Variants in SYT1 observed in about 807,000 individuals in gnomAD.
SYT1 encodes the protein synaptotagmin 1.
A neutral mutation model predicts 44.8 loss-of-function variants in SYT1; 8 were observed. The ratio of observed to expected loss-of-function variants is 0.18; its 90% CI spans 0.10 to 0.32. The LOEUF is 0.32. SYT1 is among the 10% of genes least tolerant of loss of function. The pLI, the probability that SYT1 is intolerant of heterozygous loss-of-function variation, is 1.00. For missense variants in SYT1, 286 were observed against 509.3 expected (o/e 0.56, Z 4.22); for synonymous variants, 154 against 188.8 (o/e 0.82, Z 1.51).
chr12:79,223,422 C>A (rs1363089926), intron 4 of SYT1, among the ~76,000 whole-genome samples: 1 of 152,098 alleles, frequency 6.6e-6, no homozygotes, highest in Non-Finnish European at 1.5e-5. Flanking sequence ...CACTAAGGTG[C>A]TCTAACAGCT....
chr12:78,987,972 G>C (rs916934587), intron 2 of SYT1, among the ~76,000 whole-genome samples: 2 of 152,076 alleles, frequency 1.3e-5, no homozygotes, highest in African/African-American at 4.8e-5. Context: ...AGGTGAAAAG[G>C]TAATGGAACT....
intron 3 of SYT1, among the ~76,000 whole-genome samples, chr12:79,120,382 T>C (rs1393849639): frequency 6.6e-6 from 1 of 151,912 alleles, no homozygotes; most frequent in Admixed American, 6.6e-5. Context: ...ATGTAACAAA[T>C]CTGCACCCGT....
chr12:79,156,746 C>T (rs1260931282), intron 3 of SYT1, among the ~76,000 whole-genome samples: 2 of 152,090 alleles, frequency 1.3e-5, no homozygotes, highest in Admixed American at 6.6e-5. Flanking sequence ...GGATTACAGG[C>T]GTGAGCCACC....
At chr12:79,285,004 G>C (rs1354042597) in intron 4 of SYT1, among the ~76,000 whole-genome samples, 1 of 152,160 alleles carries the variant, frequency 6.6e-6, no homozygotes, top group Non-Finnish European at 1.5e-5. Context: ...ACTCAGAACA[G>C]TGAAGCAATC....
At chr12:79,090,848 T>A (rs1343608969) in intron 3 of SYT1, among the ~76,000 whole-genome samples, 2 of 151,898 alleles carry the variant, frequency 1.3e-5, no homozygotes, top group Non-Finnish European at 2.9e-5. Context: ...GCAGAGAAGG[T>A]CTATCAGGTA....
At chr12:78,974,683 G>A (rs189939912) in intron 1 of SYT1, among the ~76,000 whole-genome samples, 1,904 of 152,066 alleles carry the variant, frequency 0.013, 28 homozygotes, top group Non-Finnish European at 0.02. Flanking sequence ...TGATCCGCCC[G>A]CCTCAGCCTC....
chr12:79,179,289 G>A (rs1449312127), intron 3 of SYT1, among the ~76,000 whole-genome samples: 2 of 115,060 alleles, frequency 1.7e-5, no homozygotes, highest in Non-Finnish European at 3.3e-5. Flanking sequence ...TAGATATATA[G>A]ATACAGATTT....
chr12:78,980,113 G>A (rs556552052), intron 2 of SYT1, among the ~76,000 whole-genome samples: 36 of 151,928 alleles, frequency 2.4e-4, no homozygotes, highest in South Asian at 2.3e-3. Flanking sequence ...TTCTCAGTGC[G>A]GCAAGTAAGA....
chr12:79,243,253 T>C (rs1047586152), intron 4 of SYT1, among the ~76,000 whole-genome samples: 20 of 152,268 alleles, frequency 1.3e-4, no homozygotes, highest in African/African-American at 4.8e-4. Flanking sequence ...TCCAAAATGT[T>C]CCCATTTTAT....
chr12:79,321,661 G>A (rs1323142029), intron 8 of SYT1, among the ~76,000 whole-genome samples: 3 of 152,192 alleles, frequency 2.0e-5, no homozygotes, highest in Non-Finnish European at 2.9e-5. Flanking sequence ...CAGGGCTGCT[G>A]TTCAGGGCAC....
At chr12:79,108,026 C>A (rs531126996) in intron 3 of SYT1, among the ~76,000 whole-genome samples, 10 of 151,750 alleles carry the variant, frequency 6.6e-5, no homozygotes. Context: ...TTGTTAAGAA[C>A]TTAACATAAT....
At chr12:79,109,456 C>A (rs1175645640) in intron 3 of SYT1, among the ~76,000 whole-genome samples, 2 of 152,102 alleles carry the variant, frequency 1.3e-5, no homozygotes, top group African/African-American at 4.8e-5. Flanking sequence ...CACCTACGCC[C>A]AGCTAGATCA....
intron 10 of SYT1, among the ~76,000 whole-genome samples, chr12:79,446,199 A>C (rs543762931): frequency 1.9e-4 from 29 of 151,684 alleles, no homozygotes; most frequent in Non-Finnish European, 3.7e-4. Flanking sequence ...GTCCTTGTCA[A>C]AGTGACATTA....
intron 3 of SYT1, among the ~76,000 whole-genome samples, chr12:79,093,285 G>A (rs57508843): frequency 0.032 from 4,869 of 151,686 alleles, 288 homozygotes; most frequent in African/African-American, 0.11. Context: ...CGAAGCATTC[G>A]ATCAAAAATA....
In SYT1 at chr12:79,028,953, G is replaced by T. The variant is rs1020526959; in HGVS notation, c.-83-18344G>T. ...ATAATAACAGTAATAAATATTCTAA[G>T]AGCATTATTTCAAAAGAGTCTTTTA... is the stretch of plus-strand genomic sequence containing the variant. On this transcript the variant is annotated intron_variant, in intron 2 of 10. Coordinates refer to ENST00000261205, the MANE Select transcript of SYT1 (RefSeq NM_005639.3). Among the ~76,000 whole-genome samples, 3 of 151,214 alleles carry T rather than the reference G, an allele frequency of 2.0e-5. No homozygotes were observed. The East Asian group carries it at 5.8e-4, about 29-fold the overall frequency.
At chr12:79,104,239 A>G (rs1476777647) in intron 3 of SYT1, among the ~76,000 whole-genome samples, 1 of 151,930 alleles carries the variant, frequency 6.6e-6, no homozygotes, top group Non-Finnish European at 1.5e-5. Flanking sequence ...TCTTTTTTCA[A>G]ATTTAATAGA....
At chr12:79,347,357 CAATGTTTGGGGGATTCAGGATGATAA>C (rs1882655740) in intron 8 of SYT1, among the ~76,000 whole-genome samples, 1 of 152,120 alleles carries the variant, frequency 6.6e-6, no homozygotes. Flanking sequence ...AGCCCACATC[CAATGTTTGGGGGATTCAGGATGATAA>C]AATCTCATCC....
At chr12:79,108,217 A>G (rs1026071053) in intron 3 of SYT1, among the ~76,000 whole-genome samples, 47 of 152,000 alleles carry the variant, frequency 3.1e-4, no homozygotes, top group African/African-American at 1.1e-3. Context: ...CTTTTTTTCT[A>G]TATTTCTTTA....
intron 4 of SYT1, among the ~76,000 whole-genome samples, chr12:79,263,665 A>C (rs1486249321): frequency 2.0e-5 from 3 of 152,214 alleles, no homozygotes; most frequent in Non-Finnish European, 4.4e-5. Flanking sequence ...AGATGGTTAC[A>C]TATAAGCAAA....
Sources: allele counts gnomAD v4.1 joint callset (sites outside exome capture counted in the v4.1 genomes callset), GRCh38; gene constraint gnomAD v4.1.1; transcripts MANE v1.5; gene names NCBI Gene and HGNC (gene_info 2026-07-23, HGNC 2026-07-21).